CBFB: variants seen among roughly 807,000 people sequenced by gnomAD.
CBFB encodes CBF-beta.
In CBFB, 9 loss-of-function variants were observed where a neutral mutation model predicts 30.4. That is an observed-to-expected ratio of 0.30 (90% CI 0.18 to 0.52). The LOEUF (loss-of-function observed/expected upper bound fraction) is 0.52, where lower values mean the gene tolerates loss of function less well. Ranked by LOEUF, CBFB falls within the 20% of genes least tolerant of loss-of-function variation. The probability of loss-of-function intolerance (pLI) is 0.97; values close to 1 mark genes in which losing one functional copy is unlikely to be tolerated. For synonymous variants in CBFB, 94 were observed against 84.0 expected (o/e 1.12, Z -0.65); for missense variants, 170 against 244.0 (o/e 0.70, Z 2.02).
At chr16:67,055,573 G>T (rs1444764155) in intron 3 of CBFB, among the ~76,000 whole-genome samples, 1 of 151,574 alleles carries the variant, frequency 6.6e-6, no homozygotes, top group Admixed American at 6.6e-5. Flanking sequence ...AGCCATGATG[G>T]TCTCGATCTC....
intron 3 of CBFB, among the ~76,000 whole-genome samples, chr16:67,038,981 C>T (rs1191497718): frequency 1.3e-5 from 2 of 152,056 alleles, no homozygotes; most frequent in Non-Finnish European, 2.9e-5. Context: ...GGACTTAAAC[C>T]ATTGAGATGT....
chr16:67,087,537 A>G (rs1432908394), intron 5 of CBFB, among the ~76,000 whole-genome samples: 2 of 152,232 alleles, frequency 1.3e-5, no homozygotes, highest in Admixed American at 6.5e-5. Flanking sequence ...CCTGGGCAAC[A>G]GAGCAAGACC....
chr16:67,038,656 G>T (rs1307080721), intron 3 of CBFB, among the ~76,000 whole-genome samples: 2 of 151,674 alleles, frequency 1.3e-5, no homozygotes, highest in African/African-American at 2.4e-5. Context: ...ACGATTATTG[G>T]TTTTTTTGTG....
intron 3 of CBFB, among the ~76,000 whole-genome samples, chr16:67,060,660 A>G (rs1474588257): frequency 6.6e-6 from 1 of 152,198 alleles, no homozygotes; most frequent in South Asian, 2.1e-4. Context: ...GGTTCAAACG[A>G]TTCTCCTGCC....
At chr16:67,043,443 C>T (rs1966566984) in intron 3 of CBFB, among the ~76,000 whole-genome samples, 2 of 152,164 alleles carry the variant, frequency 1.3e-5, no homozygotes, top group Admixed American at 6.6e-5. Context: ...GGTCTGTTAA[C>T]GGGTGACTGA....
chr16:67,078,844 C>T (rs1224317864), intron 4 of CBFB, among the ~76,000 whole-genome samples: 2 of 151,960 alleles, frequency 1.3e-5, no homozygotes, highest in Admixed American at 6.6e-5. Context: ...TTAGTAGAGA[C>T]GGGGTTTCAC....
chr16:67,052,977 C>T (rs1229030928), intron 3 of CBFB, among the ~76,000 whole-genome samples: 2 of 146,090 alleles, frequency 1.4e-5, no homozygotes, highest in African/African-American at 2.6e-5. Context: ...TGCAGTGAGC[C>T]GTGTTCATAC....
chr16:67,037,300 CAT>C (rs1414556705), intron 3 of CBFB, among the ~76,000 whole-genome samples: 9 of 152,020 alleles, frequency 5.9e-5, no homozygotes, highest in Admixed American at 5.9e-4. Flanking sequence ...AGGAAAGTAA[CAT>C]AACAATTTCT....
Position 67,098,860 on chromosome 16 carries a change from G to C in CBFB, c.*82G>C. 1.2e-6 allele frequency: 1 copy of C among 844,524 alleles called. No individual in the cohort carries two copies. Among genetic ancestry groups the C allele is most frequent in the Middle Eastern group, 2.2e-4 (1 of 4,504 alleles). The allele number at this position is 844,524 out of a possible 1,614,324, so 52.3% of individuals were successfully genotyped here. A position where few individuals can be genotyped will look rare whatever the true frequency, so the allele number is the denominator to read the frequency against. On this transcript the variant is annotated 3_prime_UTR_variant, in exon 6 of 6. Coordinates refer to ENST00000412916, the MANE Select transcript of CBFB (RefSeq NM_022845.3). Reference sequence around the variant, plus strand: ...GCAGAAATAATTGATTAAAAGACCAGAAACTGTGATAACTGGAGGTACTAC... The same window carrying C: ...GCAGAAATAATTGATTAAAAGACCACAAACTGTGATAACTGGAGGTACTAC...
At chr16:67,061,760 G>A (rs953493890) in intron 3 of CBFB, among the ~76,000 whole-genome samples, 5 of 152,012 alleles carry the variant, frequency 3.3e-5, no homozygotes, top group South Asian at 2.1e-4. Flanking sequence ...GGCTGGGTGC[G>A]GTGACTCACA....
At chr16:67,029,623 C>G in intron 1 of CBFB, 104 bp from the exon 2 acceptor site, 1 of 1,315,726 alleles carries the variant, frequency 7.6e-7, no homozygotes, top group Non-Finnish European at 1.0e-6. Flanking sequence ...GGGCGGCCAT[C>G]GCCCGCAGCC....
At chr16:67,052,085 G>T (rs749276416) in intron 3 of CBFB, among the ~76,000 whole-genome samples, 5 of 151,876 alleles carry the variant, frequency 3.3e-5, no homozygotes, top group Non-Finnish European at 7.4e-5. Context: ...CTCCCATGTT[G>T]CCCAGGCTGG....
At chr16:67,059,864 A>C (rs1348066729) in intron 3 of CBFB, among the ~76,000 whole-genome samples, 5 of 152,172 alleles carry the variant, frequency 3.3e-5, no homozygotes, top group African/African-American at 1.2e-4. Context: ...AGAATGCTGG[A>C]ATCCCATATG....
chr16:67,075,723 C>T (rs964158721), intron 4 of CBFB, among the ~76,000 whole-genome samples: 1 of 152,142 alleles, frequency 6.6e-6, no homozygotes, highest in African/African-American at 2.4e-5. Flanking sequence ...TGGCCATTAA[C>T]AGTGAAATTT....
At position 67,066,121 on chromosome 16, in the gene CBFB, T is replaced by G. The variant is rs1176224127; in HGVS notation, c.283-561T>G. On this transcript the variant is annotated intron_variant, in intron 3 of 5. Transcript: ENST00000412916. ...ATTATCAGGAATCTGTGAGATAGCT[T>G]ATAAAACTGAGGGGAGTATCAACAG... is the stretch of plus-strand genomic sequence containing the variant. Among the ~76,000 whole-genome samples the G allele has an allele frequency of 3.3e-5, 5 of 152,100 alleles. No homozygotes were observed. In the East Asian group the frequency reaches 9.7e-4, roughly 29 times the overall value.
At chr16:67,094,139 A>T (rs1403809164) in intron 5 of CBFB, among the ~76,000 whole-genome samples, 14 of 131,642 alleles carry the variant, frequency 1.1e-4, no homozygotes, top group East Asian at 2.1e-4. Flanking sequence ...TTTTTTTTTT[A>T]AAGAGATGGG....
rs185536301 is a variant in CBFB, at chr16:67,084,301, C to T, written c.495+1993C>T. Among the ~76,000 whole-genome samples the T allele has an allele frequency of 7.2e-4, 109 of 150,362 alleles. 1 individual carries two copies. Among genetic ancestry groups the T allele is most frequent in the African/African-American group, 2.1e-3 (85 of 40,934 alleles). On this transcript the variant is annotated intron_variant, in intron 5 of 5. Coordinates refer to ENST00000412916, the MANE Select transcript of CBFB (RefSeq NM_022845.3). Reference sequence around the variant, plus strand: ...TTTATAAACTTTGTATCAACATGAACATTTCATACAAGAAGAAATAGAAAA... The same window carrying T: ...TTTATAAACTTTGTATCAACATGAATATTTCATACAAGAAGAAATAGAAAA...
At chr16:67,031,225 A>T (rs573173140) in intron 2 of CBFB, among the ~76,000 whole-genome samples, 4 of 152,330 alleles carry the variant, frequency 2.6e-5, no homozygotes, top group African/African-American at 9.6e-5. Context: ...GCTCCTGAAT[A>T]TTTGGTCATT....
chr16:67,049,432 C>T (rs1157682099), intron 3 of CBFB, among the ~76,000 whole-genome samples: 4 of 150,282 alleles, frequency 2.7e-5, no homozygotes, highest in Non-Finnish European at 4.4e-5. Flanking sequence ...GAACTCCTGA[C>T]CTCAGGTGAT....
Sources: allele counts gnomAD v4.1 joint callset (sites outside exome capture counted in the v4.1 genomes callset), GRCh38; gene constraint gnomAD v4.1.1; transcripts MANE v1.5; gene names NCBI Gene and HGNC (gene_info 2026-07-23, HGNC 2026-07-21).